The following EYS variants were observed in gnomAD, a reference collection of about 807,000 sequenced individuals.
The protein encoded by EYS is protein eyes shut homolog.
A neutral mutation model predicts 282.1 loss-of-function variants in EYS; 250 were observed. The observed-to-expected ratio is 0.89, with a 90% CI of 0.80 to 0.98. The LOEUF (loss-of-function observed/expected upper bound fraction) is 0.98, where lower values mean the gene tolerates loss of function less well. Among genes scored for constraint, EYS ranks in the 50% least tolerant of loss-of-function variants. EYS has a pLI of 0.00. For synonymous variants in EYS, 1,355 were observed against 1,282.9 expected, an observed-to-expected ratio of 1.06 and a Z score of -1.20; for missense variants, 4,016 against 3,709.0, an observed-to-expected ratio of 1.08 and a Z score of -2.15.
At chr6:64,814,585 T>C (rs144102830) in intron 21 of EYS, among the ~76,000 whole-genome samples, 2 of 152,150 alleles carry the variant, frequency 1.3e-5, no homozygotes, top group African/African-American at 2.4e-5. Context: ...TTAGGGTTTA[T>C]ATATATACTT....
chr6:64,161,800 G>A (rs1248693993), intron 31 of EYS, among the ~76,000 whole-genome samples: 1 of 152,150 alleles, frequency 6.6e-6, no homozygotes. Flanking sequence ...CTGTATATAG[G>A]TGGAGAGCTG....
chr6:63,910,907 T>C (rs1234194259), intron 35 of EYS, among the ~76,000 whole-genome samples: 1 of 152,188 alleles, frequency 6.6e-6, no homozygotes, highest in Non-Finnish European at 1.5e-5. Context: ...AGTTGTTAAT[T>C]ACTCAGCATT....
chr6:65,680,886 A>G (rs955922224), intron 1 of EYS, among the ~76,000 whole-genome samples: 28 of 151,740 alleles, frequency 1.8e-4, no homozygotes, highest in African/African-American at 6.3e-4. Flanking sequence ...ACTCTATTCA[A>G]TTCTCACACT....
At chr6:64,975,709 G>GAATC (rs1344200216) in intron 14 of EYS, among the ~76,000 whole-genome samples, 2 of 151,780 alleles carry the variant, frequency 1.3e-5, no homozygotes, top group Admixed American at 1.3e-4. Context: ...TGGAAAAGCT[G>GAATC]AATCTCCTAA....
At chr6:65,109,539 G>A (rs2150188083) in intron 12 of EYS, among the ~76,000 whole-genome samples, 1 of 151,548 alleles carries the variant, frequency 6.6e-6, no homozygotes, top group Middle Eastern at 3.4e-3. Flanking sequence ...GGTATTAGTT[G>A]GGCATGTGAG....
intron 29 of EYS, among the ~76,000 whole-genome samples, chr6:64,341,327 A>C (rs1269781282): frequency 6.6e-6 from 1 of 151,806 alleles, no homozygotes; most frequent in Non-Finnish European, 1.5e-5. Context: ...GATAAATAAA[A>C]TGCTGTACAT....
intron 12 of EYS, among the ~76,000 whole-genome samples, chr6:65,160,788 T>A (rs1424020008): frequency 2.0e-5 from 3 of 150,978 alleles, no homozygotes; most frequent in African/African-American, 7.3e-5. Flanking sequence ...GTAAATTCCA[T>A]ATACCTGTGG....
At chr6:64,171,345 T>C (rs1764473503) in intron 31 of EYS, among the ~76,000 whole-genome samples, 1 of 152,200 alleles carries the variant, frequency 6.6e-6, no homozygotes, top group Non-Finnish European at 1.5e-5. Flanking sequence ...TTTAGAATAA[T>C]GCCTGGAGTA....
chr6:65,673,511 C>G (rs1213579039), intron 1 of EYS, among the ~76,000 whole-genome samples: 1 of 152,068 alleles, frequency 6.6e-6, no homozygotes, highest in Non-Finnish European at 1.5e-5. Context: ...AGGACATACA[C>G]TTAGAGAGTG....
chr6:65,371,737 CTCTCTG>C (rs1169013832), intron 8 of EYS, among the ~76,000 whole-genome samples: 57 of 43,466 alleles, frequency 1.3e-3, no homozygotes, highest in East Asian at 8.1e-3. Context: ...CTCTCTCTCT[CTCTCTG>C]TGTGTGTGTG....
intron 31 of EYS, among the ~76,000 whole-genome samples, chr6:64,217,956 A>T (rs1174417616): frequency 6.6e-6 from 1 of 152,202 alleles, no homozygotes; most frequent in Non-Finnish European, 1.5e-5. Flanking sequence ...GAGCTGAAGC[A>T]GTTTGTAGGA....
chr6:64,094,498 C>G lies in EYS; in HGVS notation c.6425-12496G>C, dbSNP rs376571502. Among the ~76,000 whole-genome samples, 5 of 152,202 alleles carry G rather than the reference C, an allele frequency of 3.3e-5. No individual in the cohort carries two copies. The East Asian group carries it at 5.8e-4, about 18-fold the overall frequency. ...TTTAGTCTTGGGAGGGTGTATGTGT[C>G]GAGGAATTTATCCATTTCTTCTAGA... is the stretch of plus-strand genomic sequence containing the variant. On this transcript the variant is annotated intron_variant, in intron 31 of 42. Transcript: ENST00000503581.
intron 2 of EYS, among the ~76,000 whole-genome samples, chr6:65,508,411 C>A (rs1766738113): frequency 1.3e-5 from 2 of 151,988 alleles, no homozygotes; most frequent in Non-Finnish European, 2.9e-5. Context: ...TGGTGGCTCA[C>A]ACCTGTAATC....
At chr6:63,861,443 A>G (rs566453043) in intron 36 of EYS, among the ~76,000 whole-genome samples, 44 of 152,230 alleles carry the variant, frequency 2.9e-4, no homozygotes, top group Non-Finnish European at 5.3e-4. Flanking sequence ...ATACCATCAG[A>G]ATAGTTTAAA....
intron 19 of EYS, among the ~76,000 whole-genome samples, chr6:64,833,234 C>G (rs1211700976): frequency 1.3e-5 from 2 of 151,860 alleles, no homozygotes; most frequent in Non-Finnish European, 2.9e-5. Context: ...TGAAAACCAG[C>G]TTGCCATCAA....
chr6:64,522,149 T>C (rs768829675), intron 26 of EYS, among the ~76,000 whole-genome samples: 2 of 151,790 alleles, frequency 1.3e-5, no homozygotes. Flanking sequence ...ATTGGGAACA[T>C]AAATTGAAGT....
intron 36 of EYS, among the ~76,000 whole-genome samples, chr6:63,846,562 C>T (rs1772102987): frequency 6.6e-6 from 1 of 152,188 alleles, no homozygotes; most frequent in Non-Finnish European, 1.5e-5. Context: ...TCACTAGGTG[C>T]AATATTCAGA....
intron 22 of EYS, among the ~76,000 whole-genome samples, chr6:64,661,394 A>G (rs972162097): frequency 2.6e-5 from 4 of 152,226 alleles, no homozygotes; most frequent in African/African-American, 7.2e-5. Context: ...AATGGTATCT[A>G]ATTAAACTAA....
In EYS at chr6:64,997,585, A is replaced by G. The variant is rs1446093106; in HGVS notation, c.2256T>C (p.His752=). 6.4e-7 allele frequency: 1 copy of G among 1,551,048 alleles called. No homozygotes were observed. Among genetic ancestry groups the G allele is most frequent in the East Asian group, 2.4e-5 (1 of 40,850 alleles). The change falls in exon 14 of 43, where the codon CAT becomes CAC. Residue 752 remains histidine (H), a synonymous_variant. Coordinates refer to ENST00000503581, the MANE Select transcript of EYS (RefSeq NM_001142800.2). The stretch of plus-strand genomic sequence containing the variant: ...TAAAAAGCCAGTGGATACTAACGAG[A>G]TGCAGGTCTTTGCAGGTAGAATTGT... The part of the protein sequence containing the change: ...CEHNSTCKDL[H]LSYQCVCLSD...
Sources: allele counts gnomAD v4.1 joint callset (sites outside exome capture counted in the v4.1 genomes callset), GRCh38; gene constraint gnomAD v4.1.1; transcripts MANE v1.5; gene names NCBI Gene and HGNC (gene_info 2026-07-23, HGNC 2026-07-21).